Variants in RPTOR observed in about 807,000 individuals in gnomAD.
RPTOR encodes the protein regulatory associated protein of MTOR complex 1, also known as regulatory-associated protein of mTOR.
Under a neutral mutation model 169.9 loss-of-function variants are expected in RPTOR, and 21 were observed. The observed-to-expected ratio is 0.12, with a 90% CI of 0.09 to 0.18. The LOEUF (loss-of-function observed/expected upper bound fraction) is 0.18, where lower values mean the gene tolerates loss of function less well. Ranked by LOEUF, RPTOR falls within the 10% of genes least tolerant of loss-of-function variation. The pLI, the probability that RPTOR is intolerant of heterozygous loss-of-function variation, is 1.00. For missense variants in RPTOR, 1,133 were observed against 1,855.9 expected, an observed-to-expected ratio of 0.61 and a Z score of 7.16; for synonymous variants, 732 against 753.2, an observed-to-expected ratio of 0.97 and a Z score of 0.46.
At chr17:80,749,128 C>T (rs879784955) in intron 5 of RPTOR, among the ~76,000 whole-genome samples, 5 of 15,138 alleles carry the variant, frequency 3.3e-4, no homozygotes, top group Admixed American at 1.3e-3. Context: ...GTTTGGAGGC[C>T]GTGGCGGGAG....
Position 80,961,458 on chromosome 17 carries a change from G to C in RPTOR, c.3670G>C (p.Asp1224His), listed in dbSNP as rs779966402. ...VVKASLQKRP[D>H]GHIVSVSVNG... ...GAAGGCCTCCCTGCAGAAGCGTCCC[G>C]ACGGCCACATCGTGAGTGTGAGGTG... The change falls in exon 31 of 34, where the codon GAC (aspartate) becomes CAC (histidine). Residue 1224 changes from aspartate to histidine, a missense_variant. Asp to His is a moderately conservative substitution (Grantham distance 81). This residue lies in a region of RPTOR where 410 missense variants were observed against 623.7 expected (regional missense o/e 0.66). Coordinates refer to ENST00000306801, the MANE Select transcript of RPTOR (RefSeq NM_020761.3). 5.8e-6 allele frequency: 9 copies of C among 1,551,096 alleles called. No individual in the cohort carries two copies. The East Asian group carries it at 2.2e-4, about 38-fold the overall frequency.
chr17:80,901,336 G>A (rs1037717258), intron 20 of RPTOR, among the ~76,000 whole-genome samples: 4 of 152,016 alleles, frequency 2.6e-5, no homozygotes, highest in Non-Finnish European at 2.9e-5. Context: ...GAAGGAGCTG[G>A]ACTCCCCATT....
At position 80,545,156 on chromosome 17, in the gene RPTOR, G is replaced by A; in HGVS notation, c.-474G>A. On this transcript the variant is annotated 5_prime_UTR_variant, in exon 1 of 34. Coordinates refer to ENST00000306801, the MANE Select transcript of RPTOR (RefSeq NM_020761.3). ...CTGAGAGTGGCTGGAGGAGACCCAGGGCCCTTTGAACCCGATCCCTTGGCC... is the reference window on the plus strand; with the variant it reads ...CTGAGAGTGGCTGGAGGAGACCCAGAGCCCTTTGAACCCGATCCCTTGGCC... The A allele has an allele frequency of 4.3e-6, 1 of 234,560 alleles. No homozygotes were observed. Among genetic ancestry groups the A allele is most frequent in the Admixed American group, 5.6e-5 (1 of 17,854 alleles). 14.5% of individuals were successfully genotyped at this position (234,560 alleles called of 1,614,324 possible).
intron 11 of RPTOR, among the ~76,000 whole-genome samples, chr17:80,849,582 C>T (rs762872501): frequency 3.9e-5 from 6 of 152,270 alleles, no homozygotes; most frequent in Non-Finnish European, 5.9e-5. Context: ...TGCAGTGGCG[C>T]GGTCTCAGCT....
chr17:80,827,606 A>G lies in RPTOR; in HGVS notation c.1136+4383A>G, dbSNP rs2067458606. ...CCACCTGCACCCCCAGGGAGGGGCCACACCTGGGACAGGGGTCCTGGGGCC... is the reference window on the plus strand; with the variant it reads ...CCACCTGCACCCCCAGGGAGGGGCCGCACCTGGGACAGGGGTCCTGGGGCC... On this transcript the variant is annotated intron_variant, in intron 9 of 33. Coordinates refer to ENST00000306801, the MANE Select transcript of RPTOR (RefSeq NM_020761.3). Among the ~76,000 whole-genome samples the G allele has an allele frequency of 2.0e-5, 3 of 152,302 alleles. No individual in the cohort carries two copies. In the South Asian group the frequency reaches 6.2e-4, roughly 32 times the overall value.
intron 3 of RPTOR, among the ~76,000 whole-genome samples, chr17:80,645,302 G>C (rs562914321): frequency 1.3e-5 from 2 of 152,244 alleles, no homozygotes; most frequent in Admixed American, 1.3e-4. Context: ...TCAGAGGAAT[G>C]CCTTTCTGGC....
intron 32 of RPTOR, 114 bp downstream of exon 32, chr17:80,962,691 T>A (rs2069360526): frequency 8.9e-7 from 1 of 1,124,676 alleles, no homozygotes; most frequent in Non-Finnish European, 1.3e-6. Flanking sequence ...GGGGAGGATT[T>A]CACTGCTGTG....
In RPTOR at chr17:80,640,650, C is replaced by G. The variant is rs188262562; in HGVS notation, c.266-3078C>G. Among the ~76,000 whole-genome samples, 5 of 152,182 alleles carry G rather than the reference C, an allele frequency of 3.3e-5. No homozygotes were observed. In the South Asian group the frequency reaches 1.0e-3, roughly 32 times the overall value. On this transcript the variant is annotated intron_variant, in intron 2 of 33. Coordinates refer to ENST00000306801, the MANE Select transcript of RPTOR (RefSeq NM_020761.3). ...GCCCCTGCCAGGCTGTCTCTACTAA[C>G]GAGGGCCGCCATGTCTCTGCAGGAT...
chr17:80,604,863 C>T (rs1302718729), intron 1 of RPTOR, among the ~76,000 whole-genome samples: 2 of 152,004 alleles, frequency 1.3e-5, no homozygotes, highest in African/African-American at 2.4e-5. Context: ...TCCCACGACA[C>T]GTGGAAATTA....
At chr17:80,680,194 C>T (rs1272249377) in intron 3 of RPTOR, among the ~76,000 whole-genome samples, 1 of 152,278 alleles carries the variant, frequency 6.6e-6, no homozygotes, top group Non-Finnish European at 1.5e-5. Context: ...CAGCCCTGCA[C>T]CTCAGACTCC....
At chr17:80,622,240 A>G (rs901064) in intron 1 of RPTOR, among the ~76,000 whole-genome samples, 63,656 of 151,988 alleles carry the variant, frequency 0.42, 13,587 homozygotes, top group African/African-American at 0.48. Flanking sequence ...ATTACAGGGC[A>G]TGAAAGGAAC....
intron 10 of RPTOR, 67 bp from the exon 11 acceptor site, chr17:80,846,405 AG>A: frequency 6.8e-7 from 1 of 1,461,126 alleles, no homozygotes. Flanking sequence ...GGCAGGTGGC[AG>A]GGGTGGGCAA....
chr17:80,569,082 T>G (rs1258497522), intron 1 of RPTOR, among the ~76,000 whole-genome samples: 1 of 152,226 alleles, frequency 6.6e-6, no homozygotes, highest in Non-Finnish European at 1.5e-5. Flanking sequence ...TTTAAATCCT[T>G]GAACAAATTT....
chr17:80,758,828 A>G (rs1227136213), intron 6 of RPTOR, among the ~76,000 whole-genome samples: 4 of 151,938 alleles, frequency 2.6e-5, no homozygotes, highest in Admixed American at 6.6e-5. Flanking sequence ...CATTTTTGCA[A>G]GTTTTCAGGC....
At chr17:80,784,026 G>A (rs2066966883) in intron 6 of RPTOR, among the ~76,000 whole-genome samples, 1 of 152,148 alleles carries the variant, frequency 6.6e-6, no homozygotes, top group Non-Finnish European at 1.5e-5. Context: ...ACCCAGGCTA[G>A]AGTGCAGTGG....
chr17:80,553,461 A>G lies in RPTOR; in HGVS notation c.162+7670A>G, dbSNP rs1436813482. Reference sequence around the variant, plus strand: ...CATGAAATTTGAACCTTCAAGTGAAAATTGGTTTTGGAAAACTTGTATCTG... The same window carrying G: ...CATGAAATTTGAACCTTCAAGTGAAGATTGGTTTTGGAAAACTTGTATCTG... On this transcript the variant is annotated intron_variant, in intron 1 of 33. Coordinates refer to ENST00000306801, the MANE Select transcript of RPTOR (RefSeq NM_020761.3). Among the ~76,000 whole-genome samples, 3 of 152,222 alleles carry G rather than the reference A, an allele frequency of 2.0e-5. No homozygotes were observed. The South Asian group carries it at 6.2e-4, about 31-fold the overall frequency.
chr17:80,809,349 G>T (rs899058673), intron 7 of RPTOR, among the ~76,000 whole-genome samples: 1 of 152,002 alleles, frequency 6.6e-6, no homozygotes, highest in African/African-American at 2.4e-5. Context: ...GCGCCACCAC[G>T]CCCAGCTGAT....
chr17:80,899,450 C>G (rs2068448043), intron 20 of RPTOR, among the ~76,000 whole-genome samples: 1 of 152,144 alleles, frequency 6.6e-6, no homozygotes, highest in East Asian at 1.9e-4. Context: ...TCATAGTATT[C>G]TGTTTTGATT....
intron 13 of RPTOR, among the ~76,000 whole-genome samples, chr17:80,871,331 G>C (rs199645629): frequency 6.6e-6 from 1 of 152,128 alleles, no homozygotes; most frequent in Admixed American, 6.5e-5. Context: ...GGATGGTCTC[G>C]ATCTCCTGAC....
Sources: allele counts gnomAD v4.1 joint callset (sites outside exome capture counted in the v4.1 genomes callset), GRCh38; gene constraint gnomAD v4.1.1; regional missense constraint gnomAD v4.1.1; transcripts MANE v1.5; gene names NCBI Gene and HGNC (gene_info 2026-07-23, HGNC 2026-07-21).